The following RBX1 variants were observed in gnomAD, a reference collection of about 807,000 sequenced individuals.
RBX1 encodes the protein ring-box 1.
For missense variants in RBX1, 46 were observed against 141.4 expected (o/e 0.33, Z 3.42); for synonymous variants, 48 against 47.9 (o/e 1.00, Z -0.01).
chr22:40,965,745 A>G (rs1024395435), intron 3 of RBX1, among the ~76,000 whole-genome samples: 9 of 152,186 alleles, frequency 5.9e-5, no homozygotes, highest in African/African-American at 2.2e-4. Flanking sequence ...CCCAGCCCCT[A>G]CCCGCACTTT....
chr22:40,952,976 T>C (rs1321732875), intron 1 of RBX1, among the ~76,000 whole-genome samples: 4 of 149,498 alleles, frequency 2.7e-5, no homozygotes, highest in Non-Finnish European at 5.9e-5. Context: ...AAATTCAAGT[T>C]TGTGCCCTTT....
intron 2 of RBX1, among the ~76,000 whole-genome samples, chr22:40,959,792 A>C (rs976501415): frequency 6.6e-6 from 1 of 151,560 alleles, no homozygotes; most frequent in Non-Finnish European, 1.5e-5. Context: ...GCCTGGGGGG[A>C]CAAAGCTAGA....
intron 1 of RBX1, among the ~76,000 whole-genome samples, chr22:40,951,987 T>G (rs2058312363): frequency 6.6e-6 from 1 of 152,130 alleles, no homozygotes; most frequent in Non-Finnish European, 1.5e-5. Flanking sequence ...GTCCTCTCAC[T>G]TGGAGGGATC....
At chr22:40,971,214 C>CT (rs1026614980) in intron 4 of RBX1, among the ~76,000 whole-genome samples, 1 of 152,174 alleles carries the variant, frequency 6.6e-6, no homozygotes, top group Non-Finnish European at 1.5e-5. Flanking sequence ...CTCTGCCACT[C>CT]TAACTGGTGA....
intron 3 of RBX1, chr22:40,966,802 A>G (rs1336597183): frequency 6.6e-6 from 1 of 152,194 alleles, no homozygotes; most frequent in Admixed American, 6.5e-5. Flanking sequence ...TAGGGTGAGT[A>G]ATTTCTGCCC....
At chr22:40,961,081 C>CTTTTTTTTT (rs61092253) in intron 2 of RBX1, among the ~76,000 whole-genome samples, 26 of 107,664 alleles carry the variant, frequency 2.4e-4, no homozygotes, top group African/African-American at 9.2e-4. Flanking sequence ...CGTGCCTGGC[C>CTTTTTTTTT]TTTTTTTTTT....
intron 2 of RBX1, among the ~76,000 whole-genome samples, chr22:40,957,121 G>A (rs1465411928): frequency 6.6e-6 from 1 of 152,080 alleles, no homozygotes; most frequent in Non-Finnish European, 1.5e-5. Context: ...GCTGAGGCGG[G>A]GGGATCATGA....
At chr22:40,972,018 A>G (rs1305666348) in intron 4 of RBX1, among the ~76,000 whole-genome samples, 9 of 152,188 alleles carry the variant, frequency 5.9e-5, no homozygotes, top group Non-Finnish European at 8.8e-5. Context: ...AGGCTGATCA[A>G]TTGCTATTCT....
chr22:40,962,921 G>A (rs985692206), intron 2 of RBX1, among the ~76,000 whole-genome samples: 1 of 147,116 alleles, frequency 6.8e-6, no homozygotes, highest in African/African-American at 2.5e-5. Context: ...TGGTCTCAAA[G>A]TCCTGACCTC....
chr22:40,959,752 A>C (rs2146299330), intron 2 of RBX1, among the ~76,000 whole-genome samples: 1 of 152,276 alleles, frequency 6.6e-6, no homozygotes, highest in African/African-American at 2.4e-5. Context: ...CAGAGGTTGC[A>C]GTGAGCCAAG....
chr22:40,971,837 G>A (rs2058369874), intron 4 of RBX1, among the ~76,000 whole-genome samples: 1 of 152,112 alleles, frequency 6.6e-6, no homozygotes, highest in Admixed American at 6.6e-5. Context: ...GATTACAGGA[G>A]TGAGCCACTG....
chr22:40,952,983 C>CTTTTT (rs34618218), intron 1 of RBX1, among the ~76,000 whole-genome samples: 118 of 86,874 alleles, frequency 1.4e-3, no homozygotes, highest in Middle Eastern at 9.4e-3. Context: ...AGTTTGTGCC[C>CTTTTT]TTTTTTTTTT....
At position 40,964,523 on chromosome 22, in the gene RBX1, A is replaced by G. The variant is rs77844793; in HGVS notation, c.228+406A>G. On this transcript the variant is annotated intron_variant, in intron 3 of 4. Transcript: ENST00000216225. ...AAATTGAGTGTTGAAGTCTCTGTGT[A>G]TGTGTGTTTTAAGTGTGGCGTATGT... 5.4e-4 allele frequency: 93 copies of G among 173,250 alleles called. 1 individual carries two copies. The East Asian group carries it at 0.011, about 21-fold the overall frequency. The allele number at this position is 173,250 out of a possible 1,614,324, so 10.7% of individuals were successfully genotyped here.
At chr22:40,964,348 A>G in intron 3 of RBX1, 3 of 391,834 alleles carry the variant, frequency 7.7e-6, no homozygotes, top group South Asian at 6.5e-5. Flanking sequence ...AGTGGACCCA[A>G]TTTTGTTAGC....
At chr22:40,964,019 A>G (rs1339780779) in intron 2 of RBX1, 28 bp from the exon 3 acceptor site, 2 of 1,592,334 alleles carry the variant, frequency 1.3e-6, no homozygotes, top group Non-Finnish European at 1.7e-6. Context: ...CCCAAGGTCC[A>G]GTGATCCTGT....
intron 2 of RBX1, among the ~76,000 whole-genome samples, chr22:40,958,774 T>TTTTGGTTTGGTTTGGTTTGG (rs57128854): frequency 6.9e-6 from 1 of 144,706 alleles, no homozygotes; most frequent in African/African-American, 2.5e-5. Context: ...TCCATCAGTA[T>TTTTGGTTTGGTTTGGTTTGG]TTTGGTTTGG....
intron 4 of RBX1, among the ~76,000 whole-genome samples, chr22:40,968,212 T>A (rs1411133347): frequency 6.7e-6 from 1 of 149,082 alleles, no homozygotes; most frequent in Non-Finnish European, 1.5e-5. Flanking sequence ...CACCTCAGCC[T>A]AGCAAGTGGC....
Position 40,959,599 on chromosome 22 carries a change from C to T in RBX1, c.158-4448C>T, listed in dbSNP as rs963265688. Among the ~76,000 whole-genome samples, 6 of 152,034 alleles carry T rather than the reference C, an allele frequency of 3.9e-5. No homozygotes were observed. In the East Asian group the frequency reaches 9.7e-4, roughly 25 times the overall value. On this transcript the variant is annotated intron_variant, in intron 2 of 4. Transcript: ENST00000216225. ...GCCAGGACGCGTGGATCGTGTGAGG[C>T]CAGAAGTGCAAGACCAGCCTGGGCA...
chr22:40,958,562 A>G (rs2058331673), intron 2 of RBX1, among the ~76,000 whole-genome samples: 1 of 152,150 alleles, frequency 6.6e-6, no homozygotes, highest in Non-Finnish European at 1.5e-5. Context: ...TTGATTCTGC[A>G]TGCCCTCCTG....
Sources: gnomAD v4.1 joint callset for allele counts (sites outside exome capture counted in the v4.1 genomes callset) on GRCh38, gnomAD v4.1.1 for gene constraint, MANE v1.5 for transcripts, NCBI Gene and HGNC (gene_info 2026-07-23, HGNC 2026-07-21) for gene names.